Variants in DNAH14 observed in about 807,000 individuals in gnomAD.
The protein encoded by DNAH14 is dynein axonemal heavy chain 14.
A neutral mutation model predicts 520.9 loss-of-function variants in DNAH14; 478 were observed. The observed-to-expected ratio is 0.92, with a 90% CI of 0.85 to 0.99. DNAH14 has a LOEUF of 0.99. DNAH14 is among the 50% of genes least tolerant of loss of function. The pLI is 0.00. For synonymous variants in DNAH14, 1,581 were observed against 1,757.2 expected, an observed-to-expected ratio of 0.90 and a Z score of 2.51; for missense variants, 4,831 against 5,234.5, an observed-to-expected ratio of 0.92 and a Z score of 2.38.
chr1:225,051,775 AAG>A lies in DNAH14; in HGVS notation c.2406_2407del (p.Asn803GlnfsTer17). ...CCTCATACAATCTGTAATTGAAAAA[AAG>A]AACAAAAATTTATTGGAAGTAAGTA... is the stretch of plus-strand genomic sequence containing the variant. Reference protein sequence around the residue: ...HTLIQSVIEKKNKNLLEVVES... With the variant: ...HTLIQSVIEKXNKNLLEVVES... On this transcript the variant is annotated frameshift_variant, in exon 17 of 86. Coordinates refer to ENST00000682510, the MANE Select transcript of DNAH14 (RefSeq NM_001367479.1). LOFTEE classifies it high-confidence loss of function. 2 of 1,496,324 alleles carry A rather than the reference AAG, an allele frequency of 1.3e-6. No homozygotes were observed. Among genetic ancestry groups the A allele is most frequent in the Non-Finnish European group, 1.8e-6 (2 of 1,123,658 alleles). 92.7% of individuals were successfully genotyped at this position (1,496,324 alleles called of 1,614,324 possible). A position where few individuals can be genotyped will look rare whatever the true frequency, so the allele number is the denominator to read the frequency against.
intron 29 of DNAH14, among the ~76,000 whole-genome samples, chr1:225,144,894 TG>T (rs34976260): frequency 1.1e-5 from 1 of 88,902 alleles, no homozygotes; most frequent in Non-Finnish European, 1.9e-5. Flanking sequence ...TTAATATCAT[TG>T]TGTGTGTGTG....
chr1:224,978,207 A>T (rs2062004960), intron 8 of DNAH14, among the ~76,000 whole-genome samples: 1 of 152,244 alleles, frequency 6.6e-6, no homozygotes, highest in Non-Finnish European at 1.5e-5. Context: ...AGACACCTGC[A>T]TTCCCATGTT....
rs1033765753 is a variant in DNAH14, at chr1:225,273,040, G to A, written c.7925G>A (p.Arg2642Gln). ...AALLFVHEAT[R>Q]VFHDRLIDFT... ...CTGCTCTTTGTTCATGAAGCCACCC[G>A]AGTATTTCACGATCGCTTAATTGAT... The change falls in exon 52 of 86, where the codon CGA (arginine) becomes CAA (glutamine). Residue 2642 changes from arginine (R) to glutamine (Q), a missense_variant. Coordinates refer to ENST00000682510, the MANE Select transcript of DNAH14 (RefSeq NM_001367479.1). 9.7e-6 allele frequency: 15 copies of A among 1,551,594 alleles called. No homozygotes were observed. Among genetic ancestry groups the A allele is most frequent in the African/African-American group, 9.6e-5 (7 of 73,152 alleles).
intron 10 of DNAH14, 88 bp downstream of exon 10, chr1:225,007,632 T>C: frequency 8.6e-7 from 1 of 1,156,922 alleles, no homozygotes; most frequent in Non-Finnish European, 1.2e-6. Context: ...AAAAAGTATC[T>C]GAAATGGAAA....
Position 225,388,398 on chromosome 1 carries a change from G to C in DNAH14, c.13097G>C (p.Cys4366Ser). 1 of 1,524,988 alleles carries C rather than the reference G, an allele frequency of 6.6e-7. No homozygotes were observed. 94.5% of individuals were successfully genotyped at this position (1,524,988 alleles called of 1,614,324 possible). A position where few individuals can be genotyped will look rare whatever the true frequency, so the allele number is the denominator to read the frequency against. ...TLWQKHAYRS[C>S]KPLSSWIDDL... ...CAACAGAAACACGCCTACAGATCTT[G>C]TAAGCCACTGAGTTCCTGGATTGAT... is the stretch of plus-strand genomic sequence containing the variant. Residue 4366 changes from cysteine to serine, a missense_variant, in exon 82 of 86, where the codon TGT (cysteine) becomes TCT (serine). Coordinates refer to ENST00000682510, the MANE Select transcript of DNAH14 (RefSeq NM_001367479.1).
At chr1:225,367,027 ACACAC>A (rs1277897700) in intron 76 of DNAH14, among the ~76,000 whole-genome samples, 1 of 151,626 alleles carries the variant, frequency 6.6e-6, no homozygotes, top group African/African-American at 2.4e-5. Context: ...ACACACACAC[ACACAC>A]ACACACACAC....
chr1:225,264,101 T>C (rs917862908), intron 46 of DNAH14, 96 bp from the exon 47 acceptor site: 1 of 1,068,032 alleles, frequency 9.4e-7, no homozygotes, highest in African/African-American at 1.6e-5. Context: ...GAGTTAGAAG[T>C]AAAATTCACA....
chr1:225,048,439 C>T (rs1045727352), intron 15 of DNAH14, among the ~76,000 whole-genome samples: 6 of 152,070 alleles, frequency 3.9e-5, no homozygotes, highest in Admixed American at 2.6e-4. Flanking sequence ...GAGGTCAAGG[C>T]GCAGTGAGCC....
intron 8 of DNAH14, among the ~76,000 whole-genome samples, chr1:224,996,267 C>T (rs1303500785): frequency 6.6e-6 from 1 of 152,000 alleles, no homozygotes; most frequent in African/African-American, 2.4e-5. Flanking sequence ...AAGCAATCCT[C>T]CTCACCTTCC....
At chr1:225,370,392 C>T (rs550058791) in intron 77 of DNAH14, among the ~76,000 whole-genome samples, 89 of 151,732 alleles carry the variant, frequency 5.9e-4, no homozygotes, top group African/African-American at 2.1e-3. Flanking sequence ...CCAGGTGGCA[C>T]GCCTGTACTC....
At chr1:225,303,473 G>C (rs944392231) in intron 57 of DNAH14, 126 bp downstream of exon 57, 4 of 777,334 alleles carry the variant, frequency 5.1e-6, no homozygotes, top group Non-Finnish European at 7.9e-6. Flanking sequence ...CAATAAAATG[G>C]ATCAAGTGTT....
At chr1:225,237,729 C>T (rs908752511) in intron 42 of DNAH14, among the ~76,000 whole-genome samples, 1 of 152,172 alleles carries the variant, frequency 6.6e-6, no homozygotes, top group Admixed American at 6.5e-5. Context: ...TTCTCCCCAT[C>T]TCTTTCAAGA....
At chr1:225,356,332 G>A (rs1441754741) in intron 73 of DNAH14, among the ~76,000 whole-genome samples, 1 of 152,128 alleles carries the variant, frequency 6.6e-6, no homozygotes, top group African/African-American at 2.4e-5. Flanking sequence ...CTGTCCCTTT[G>A]GCCCAGTGCA....
At chr1:225,363,634 A>G (rs541298238) in intron 75 of DNAH14, among the ~76,000 whole-genome samples, 1 of 152,190 alleles carries the variant, frequency 6.6e-6, no homozygotes, top group South Asian at 2.1e-4. Flanking sequence ...CTGACTATCC[A>G]CAGGGGATTG....
chr1:225,053,976 A>C (rs1361077921), intron 17 of DNAH14, among the ~76,000 whole-genome samples: 2 of 152,196 alleles, frequency 1.3e-5, no homozygotes, highest in Non-Finnish European at 2.9e-5. Context: ...CTAAAGAACC[A>C]GGAAATTACA....
At chr1:224,963,342 C>T (rs971751342) in intron 4 of DNAH14, among the ~76,000 whole-genome samples, 5 of 152,010 alleles carry the variant, frequency 3.3e-5, no homozygotes, top group African/African-American at 1.2e-4. Context: ...AAGAAGCCTT[C>T]ACTACCCCAC....
intron 12 of DNAH14, among the ~76,000 whole-genome samples, chr1:225,041,385 C>T (rs1236118150): frequency 2.0e-5 from 3 of 152,192 alleles, no homozygotes; most frequent in Admixed American, 1.3e-4. Context: ...GTGGCTATTC[C>T]TCTCTTGTAG....
At chr1:225,126,078 T>C (rs1157242953) in intron 27 of DNAH14, among the ~76,000 whole-genome samples, 1 of 152,178 alleles carries the variant, frequency 6.6e-6, no homozygotes, top group Admixed American at 6.6e-5. Flanking sequence ...GCATCATTTG[T>C]TGTCCTCCCA....
intron 8 of DNAH14, among the ~76,000 whole-genome samples, chr1:224,981,568 A>G (rs549046617): frequency 2.0e-5 from 3 of 152,138 alleles, no homozygotes; most frequent in East Asian, 1.9e-4. Flanking sequence ...TCTAGTTTCT[A>G]TGCGTAAAGG....
Sources: allele counts gnomAD v4.1 joint callset (sites outside exome capture counted in the v4.1 genomes callset), GRCh38; gene constraint gnomAD v4.1.1; transcripts MANE v1.5; gene names NCBI Gene and HGNC (gene_info 2026-07-23, HGNC 2026-07-21).